The following MYB variants were observed in gnomAD, a reference collection of about 807,000 sequenced individuals.
MYB encodes the protein transcriptional activator Myb.
In MYB, 28 loss-of-function variants were observed where a neutral mutation model predicts 92.9. The observed-to-expected ratio is 0.30, with a 90% CI of 0.22 to 0.41. The LOEUF (loss-of-function observed/expected upper bound fraction) is 0.41. MYB is among the 10% of genes least tolerant of loss of function. The probability of loss-of-function intolerance (pLI) is 1.00; values close to 1 mark genes in which losing one functional copy is unlikely to be tolerated. For synonymous variants in MYB, 295 were observed against 329.1 expected (o/e 0.90, Z 1.12); for missense variants, 679 against 929.3 (o/e 0.73, Z 3.50).
At chr6:135,196,607 C>G in intron 9 of MYB, 1 of 605,624 alleles carries the variant, frequency 1.7e-6, no homozygotes, top group Non-Finnish European at 2.6e-6. Flanking sequence ...TCAGCGAACA[C>G]TTGGTTCCTT....
chr6:135,183,006 GTTT>G (rs3071602), intron 1 of MYB, among the ~76,000 whole-genome samples: 19,472 of 91,612 alleles, frequency 0.21, 1,828 homozygotes, highest in East Asian at 0.32. Flanking sequence ...GGGGTCATCT[GTTT>G]TTTTTTTTTT....
chr6:135,217,680 A>T (rs1182363607), intron 15 of MYB, among the ~76,000 whole-genome samples, 184 bp from the exon 16 acceptor site: 1 of 152,184 alleles, frequency 6.6e-6, no homozygotes, highest in East Asian at 1.9e-4. Context: ...CTTAACAAAT[A>T]ATTTCTGATC....
rs758875916 is a variant in MYB, at chr6:135,193,848, A to G, written c.773A>G (p.His258Arg). Residue 258 changes from histidine to arginine, a missense_variant, in exon 7 of 16, where the codon CAT becomes CGT. Around this residue, in one of 8 missense-constraint regions of MYB, gnomAD observed 43 missense variants for 87.9 expected, o/e 0.49. Coordinates refer to ENST00000341911, the MANE Select transcript of MYB (RefSeq NM_001130173.2). Reference sequence around the variant, plus strand: ...GTCTTTTGCATCTAGGTCTCCAGTCATGTTCCATACCCTGTAGCGTTACAT... The same window carrying G: ...GTCTTTTGCATCTAGGTCTCCAGTCGTGTTCCATACCCTGTAGCGTTACAT... ...HISEAQNVSS[H>R]VPYPVALHVN... The G allele has an allele frequency of 1.9e-6, 3 of 1,611,976 alleles. No homozygotes were observed. Among genetic ancestry groups the G allele is most frequent in the Non-Finnish European group, 1.7e-6 (2 of 1,178,194 alleles).
intron 15 of MYB, among the ~76,000 whole-genome samples, chr6:135,208,081 AT>A (rs34723585): frequency 0.013 from 1,707 of 135,514 alleles, 37 homozygotes; most frequent in African/African-American, 0.042. Flanking sequence ...TTTTTTTTTA[AT>A]TTTTTTTTTT....
At chr6:135,193,943 T>G in intron 7 of MYB, 25 bp downstream of exon 7, 1 of 1,529,004 alleles carries the variant, frequency 6.5e-7, no homozygotes, top group Non-Finnish European at 9.1e-7. Context: ...CATTCACTGT[T>G]CAAAGCACCA....
chr6:135,197,387 AGAAACTAATACTTC>A lies in MYB; in HGVS notation c.1566+66_1566+79del. 3 of 1,324,498 alleles carry A rather than the reference AGAAACTAATACTTC, an allele frequency of 2.3e-6. No individual in the cohort carries two copies. The South Asian group carries it at 4.1e-5, about 18-fold the overall frequency. The allele number at this position is 1,324,498 out of a possible 1,614,324, so 82.0% of individuals were successfully genotyped here. A position where few individuals can be genotyped will look rare whatever the true frequency, so the allele number is the denominator to read the frequency against. On this transcript the variant is annotated intron_variant, in intron 10 of 15. Coordinates refer to ENST00000341911, the MANE Select transcript of MYB (RefSeq NM_001130173.2). ...ACAGACACCTGAGCCTTAATAATCT[AGAAACTAATACTTC>A]GGAACAAATGACTAATTACTGCTGC...
intron 5 of MYB, among the ~76,000 whole-genome samples, chr6:135,191,343 T>C (rs901720400): frequency 2.0e-5 from 3 of 152,230 alleles, no homozygotes; most frequent in Non-Finnish European, 4.4e-5. Flanking sequence ...GCAATACTTT[T>C]AATGATAAAT....
intron 11 of MYB, 94 bp from the exon 12 acceptor site, chr6:135,199,991 T>G: frequency 1.1e-6 from 1 of 948,978 alleles, no homozygotes; most frequent in Non-Finnish European, 1.7e-6. Flanking sequence ...CAGAGTTTAT[T>G]GTATTCAGTG....
In MYB at chr6:135,181,485, T is replaced by C; in HGVS notation, c.-29T>C. The stretch of plus-strand genomic sequence containing the variant: ...GGCAGCCCGGTGCGGTCCCCGCGGC[T>C]CTCGGCGGAGCCCCGCGCCCGCCGC... On this transcript the variant is annotated 5_prime_UTR_variant, in exon 1 of 16. Transcript: ENST00000341911. The surrounding 1 kb of genome is among the most constrained non-coding windows in gnomAD (Gnocchi z 5.3). 1 of 1,120,032 alleles carries C rather than the reference T, an allele frequency of 8.9e-7. No homozygotes were observed. Among genetic ancestry groups the C allele is most frequent in the Non-Finnish European group, 1.1e-6 (1 of 917,586 alleles). 69.4% of individuals were successfully genotyped at this position (1,120,032 alleles called of 1,614,324 possible). A position where few individuals can be genotyped will look rare whatever the true frequency, so the allele number is the denominator to read the frequency against.
rs1194703605 is a variant in MYB, at chr6:135,182,660, G to A, written c.23+1124G>A. ...TGACCGGACAGACCCTCGCGAAGGA[G>A]TTCTAAGGCGAAGTCCATGGAGGCA... On this transcript the variant is annotated intron_variant, in intron 1 of 15. Coordinates refer to ENST00000341911, the MANE Select transcript of MYB (RefSeq NM_001130173.2). This position sits in a 1 kb window ranked among gnomAD's most constrained non-coding sequence, Gnocchi z 5.6. Among the ~76,000 whole-genome samples the A allele has an allele frequency of 6.6e-6, 1 of 152,254 alleles. No individual in the cohort carries two copies. The highest frequency in any genetic ancestry group is 1.5e-5 in the Non-Finnish European group (1 of 68,042).
intron 15 of MYB, among the ~76,000 whole-genome samples, chr6:135,215,499 G>A (rs1231848151): frequency 2.0e-5 from 3 of 152,142 alleles, no homozygotes; most frequent in African/African-American, 7.2e-5. Context: ...AAATTGCCTG[G>A]TCTGTAAAAT....
chr6:135,218,531 G>T lies in MYB; in HGVS notation c.*551G>T, dbSNP rs2128328504. The stretch of plus-strand genomic sequence containing the variant: ...TACCAAACCATTTTATGAGTTTTCT[G>T]TTAGCTTGCTTTAAAAATTATTACT... On this transcript the variant is annotated 3_prime_UTR_variant, in exon 16 of 16. Coordinates refer to ENST00000341911, the MANE Select transcript of MYB (RefSeq NM_001130173.2). 5.5e-6 allele frequency: 1 copy of T among 182,442 alleles called. No individual in the cohort carries two copies. The highest frequency in any genetic ancestry group is 2.0e-4 in the South Asian group (1 of 5,078). 11.3% of individuals were successfully genotyped at this position (182,442 alleles called of 1,614,324 possible). A position where few individuals can be genotyped will look rare whatever the true frequency, so the allele number is the denominator to read the frequency against.
chr6:135,216,852 GC>G (rs1481691632), intron 15 of MYB, among the ~76,000 whole-genome samples: 4 of 152,192 alleles, frequency 2.6e-5, no homozygotes, highest in Non-Finnish European at 5.9e-5. Context: ...GCTGGAGACA[GC>G]AAAGTTCAAA....
At chr6:135,217,021 C>T (rs1019541469) in intron 15 of MYB, among the ~76,000 whole-genome samples, 11 of 152,146 alleles carry the variant, frequency 7.2e-5, no homozygotes, top group African/African-American at 2.7e-4. Context: ...TGCCACTGTC[C>T]CTGGCATGGA....
Position 135,218,035 on chromosome 6 carries a change from A to T in MYB, c.*55A>T. On this transcript the variant is annotated 3_prime_UTR_variant, in exon 16 of 16. Coordinates refer to ENST00000341911, the MANE Select transcript of MYB (RefSeq NM_001130173.2). ...AGAACACTTCAAGTTGACTTGGGAT[A>T]TATCATTCCTCAACATGAAACTTTT... is the stretch of plus-strand genomic sequence containing the variant. The T allele has an allele frequency of 7.3e-7, 1 of 1,362,970 alleles. No individual in the cohort carries two copies. Among genetic ancestry groups the T allele is most frequent in the Non-Finnish European group, 1.0e-6 (1 of 952,628 alleles). The allele number at this position is 1,362,970 out of a possible 1,614,324, so 84.4% of individuals were successfully genotyped here.
intron 15 of MYB, chr6:135,203,645 G>A (rs952830509): frequency 5.7e-6 from 7 of 1,217,670 alleles, no homozygotes; most frequent in South Asian, 4.2e-5. Context: ...GCCCTCAAAT[G>A]TTTTATAAAA....
Position 135,195,777 on chromosome 6 carries a change from G to C in MYB, c.978G>C (p.Gly326=). ...PTQNHTCSYP[G]WHSTTIADHT... ...AGAACCACACATGCAGCTACCCCGG[G>C]TGGCACAGCACCACCATTGCCGACC... The change falls in exon 9 of 16, where the codon GGG becomes GGC. Residue 326 remains glycine, a synonymous_variant. Coordinates refer to ENST00000341911, the MANE Select transcript of MYB (RefSeq NM_001130173.2). 6.2e-7 allele frequency: 1 copy of C among 1,614,034 alleles called. No individual in the cohort carries two copies. The highest frequency in any genetic ancestry group is 1.1e-5 in the South Asian group (1 of 91,082).
rs1775023080 is a variant in MYB, at chr6:135,181,496, C to T, written c.-18C>T. The T allele has an allele frequency of 1.8e-6, 2 of 1,128,800 alleles. No homozygotes were observed. Among genetic ancestry groups the T allele is most frequent in the Admixed American group, 9.9e-5 (2 of 20,164 alleles). The allele number at this position is 1,128,800 out of a possible 1,614,324, so 69.9% of individuals were successfully genotyped here. The stretch of plus-strand genomic sequence containing the variant: ...GCGGTCCCCGCGGCTCTCGGCGGAG[C>T]CCCGCGCCCGCCGCGCCATGGCCCG... On this transcript the variant is annotated 5_prime_UTR_variant, in exon 1 of 16. Transcript: ENST00000341911. This position sits in a 1 kb window ranked among gnomAD's most constrained non-coding sequence, Gnocchi z 5.3.
At position 135,190,198 on chromosome 6, in the gene MYB, T is replaced by C. The variant is rs377302180; in HGVS notation, c.378T>C (p.Ile126=). The change falls in exon 5 of 16, where the codon ATT becomes ATC. Residue 126 remains isoleucine, a synonymous_variant. Coordinates refer to ENST00000341911, the MANE Select transcript of MYB (RefSeq NM_001130173.2). This position sits in a 1 kb window ranked among gnomAD's most constrained non-coding sequence, Gnocchi z 4.5. ...TTGCCAAGCACTTAAAGGGGAGAAT[T>C]GGAAAACAATGTAGGGAGAGGTGGC... ...SVIAKHLKGR[I]GKQCRERWHN... is the part of the protein sequence containing the mutation. 5.1e-5 allele frequency: 82 copies of C among 1,613,990 alleles called. No homozygotes were observed. The highest frequency in any genetic ancestry group is 6.7e-5 in the Non-Finnish European group (79 of 1,180,022).
Sources: allele counts gnomAD v4.1 joint callset (sites outside exome capture counted in the v4.1 genomes callset), GRCh38; gene constraint gnomAD v4.1.1; regional missense constraint gnomAD v4.1.1; non-coding constraint Gnocchi (gnomAD v3.1); transcripts MANE v1.5; gene names NCBI Gene and HGNC (gene_info 2026-07-23, HGNC 2026-07-21).